GTF3C5: variants seen among roughly 807,000 people sequenced by gnomAD.
GTF3C5 encodes the protein general transcription factor 3C polypeptide 5.
GTF3C5 carries 47 observed loss-of-function variants against 61.0 expected under a neutral mutation model. The ratio of observed to expected loss-of-function variants is 0.77; its 90% CI spans 0.61 to 0.98. The LOEUF is 0.98. GTF3C5 is among the 50% of genes least tolerant of loss of function. The probability of loss-of-function intolerance (pLI) is 0.00; values close to 1 mark genes in which losing one functional copy is unlikely to be tolerated. For missense variants in GTF3C5, 659 were observed against 703.3 expected (o/e 0.94, Z 0.71); for synonymous variants, 295 against 275.4 (o/e 1.07, Z -0.71).
upstream of GTF3C5, chr9:133,030,732 G>T (rs536494166): frequency 7.2e-6 from 4 of 553,078 alleles, no homozygotes; most frequent in African/African-American, 5.7e-5. Context: ...CGGGTCCCTC[G>T]CTGGCTAGTA....
In GTF3C5 at chr9:133,035,936, G is replaced by A. The variant is rs144112193; in HGVS notation, c.153+4772G>A. On this transcript the variant is annotated intron_variant, in intron 1 of 10. Transcript: ENST00000372097. ...CAAAGGTATGAGCTAGCCCGAAGGCGTACTTGGAATCAGAATAAATAGTTC... is the reference window on the plus strand; with the variant it reads ...CAAAGGTATGAGCTAGCCCGAAGGCATACTTGGAATCAGAATAAATAGTTC... 2.8e-3 allele frequency among the ~76,000 whole-genome samples: 430 copies of A among 152,302 alleles called. 1 individual carries two copies. The highest frequency in any genetic ancestry group is 0.014 in the Middle Eastern group (4 of 294).
chr9:133,055,661 G>A (rs980083842), intron 8 of GTF3C5: 3 of 985,318 alleles, frequency 3.0e-6, no homozygotes, highest in Non-Finnish European at 3.6e-6. Flanking sequence ...TAGCAGCAGT[G>A]GGTGAGGGAT....
At chr9:133,041,312 C>T (rs912534850) in intron 1 of GTF3C5, among the ~76,000 whole-genome samples, 3 of 152,208 alleles carry the variant, frequency 2.0e-5, no homozygotes, top group Non-Finnish European at 4.4e-5. Flanking sequence ...GGACTGTCTC[C>T]CTGTGATGCT....
chr9:133,054,274 C>T (rs1026448846), intron 6 of GTF3C5, 134 bp from the exon 7 acceptor site: 17 of 699,654 alleles, frequency 2.4e-5, no homozygotes, highest in South Asian at 3.4e-5. Flanking sequence ...ACCGCAGTGG[C>T]GTGCTTGGCA....
At chr9:133,048,247 C>T (rs1347114083) in intron 3 of GTF3C5, among the ~76,000 whole-genome samples, 1 of 152,254 alleles carries the variant, frequency 6.6e-6, no homozygotes, top group Non-Finnish European at 1.5e-5. Flanking sequence ...CCTATAATCC[C>T]AGCACTTTGG....
intron 8 of GTF3C5, chr9:133,055,287 G>A: frequency 7.1e-7 from 1 of 1,416,406 alleles, no homozygotes; most frequent in Non-Finnish European, 9.3e-7. Context: ...GCTCCCGCAA[G>A]CCGCTCCACA....
At position 133,052,135 on chromosome 9, in the gene GTF3C5, G is replaced by A; in HGVS notation, c.844G>A (p.Val282Ile). The change falls in exon 5 of 11, where the codon GTC (valine) becomes ATC (isoleucine). Residue 282 changes from valine (V) to isoleucine (I), a missense_variant. By Grantham distance (29) the Val-to-Ile change is conservative. Coordinates refer to ENST00000372097, the MANE Select transcript of GTF3C5 (RefSeq NM_012087.4). ...NISVHPDKLK[V>I]LLPFIAYYMI... The stretch of plus-strand genomic sequence containing the variant: ...CAGCGTCCACCCAGACAAGCTCAAG[G>A]TCTTGCTTCCCTTCATAGCCTATTA... 1.2e-6 allele frequency: 2 copies of A among 1,605,136 alleles called. No individual in the cohort carries two copies. The highest frequency in any genetic ancestry group is 1.7e-5 in the Admixed American group (1 of 59,364).
At position 133,043,937 on chromosome 9, in the gene GTF3C5, C is replaced by G. The variant is rs775157297; in HGVS notation, c.572+11C>G. On this transcript the variant is annotated intron_variant, in intron 3 of 10. Transcript: ENST00000372097. ...AGAGACCCAGCACCGGTAAGGCCCC[C>G]CTCCATGCAGCCTCGGTTCTCTATC... is the stretch of plus-strand genomic sequence containing the variant. 1 of 1,602,152 alleles carries G rather than the reference C, an allele frequency of 6.2e-7. No individual in the cohort carries two copies. Among genetic ancestry groups the G allele is most frequent in the Non-Finnish European group, 8.5e-7 (1 of 1,169,648 alleles).
chr9:133,054,678 G>C, intron 7 of GTF3C5, 34 bp from the exon 8 acceptor site: 1 of 1,531,574 alleles, frequency 6.5e-7, no homozygotes. Flanking sequence ...TCCCCACCCT[G>C]CACATTCCAA....
chr9:133,042,669 C>G (rs974434646), intron 2 of GTF3C5, among the ~76,000 whole-genome samples: 2 of 152,218 alleles, frequency 1.3e-5, no homozygotes, highest in African/African-American at 2.4e-5. Context: ...TCTTGCCCTC[C>G]TAGCTCCCGA....
chr9:133,031,999 C>G (rs974816673), intron 1 of GTF3C5, among the ~76,000 whole-genome samples: 1 of 152,106 alleles, frequency 6.6e-6, no homozygotes, highest in Non-Finnish European at 1.5e-5. Flanking sequence ...GAACAAAGAA[C>G]AGGGAAGCTG....
Position 133,050,948 on chromosome 9 carries a change from G to A in GTF3C5, c.738G>A (p.Val246=), listed in dbSNP as rs1463362659. 2 of 1,611,662 alleles carry A rather than the reference G, an allele frequency of 1.2e-6. No individual in the cohort carries two copies. The highest frequency in any genetic ancestry group is 1.7e-6 in the Non-Finnish European group (2 of 1,178,974). Residue 246 remains valine, a synonymous_variant, in exon 4 of 11, where the codon GTG becomes GTA. Coordinates refer to ENST00000372097, the MANE Select transcript of GTF3C5 (RefSeq NM_012087.4). The part of the protein sequence containing the change: ...QTWRRVCTNP[V]DRKVEEELRK... ...GGAGGAGAGTCTGCACTAACCCCGT[G>A]GACCGGAAGGTGGAGGAGGAGCTGA...
At position 133,056,921 on chromosome 9, in the gene GTF3C5, T is replaced by G. The variant is rs1264617111; in HGVS notation, c.1393+13T>G. 1.9e-6 allele frequency: 3 copies of G among 1,586,172 alleles called. No homozygotes were observed. The African/African-American group carries it at 4.1e-5, about 21-fold the overall frequency. On this transcript the variant is annotated intron_variant, in intron 10 of 10. Transcript: ENST00000372097. The stretch of plus-strand genomic sequence containing the variant: ...TCCAAGAGGCCTGGTAAGAGCCGCT[T>G]GGGGTAAAGGGGGTCCAGGATGCCT...
At chr9:133,056,950 G>C (rs1385494308) in intron 10 of GTF3C5, 42 bp downstream of exon 10, 3 of 1,530,932 alleles carry the variant, frequency 2.0e-6, no homozygotes. Context: ...GATGCCTGGT[G>C]ATCTCCTTTG....
intron 1 of GTF3C5, among the ~76,000 whole-genome samples, chr9:133,037,031 T>G (rs1461233039): frequency 6.6e-6 from 1 of 152,058 alleles, no homozygotes; most frequent in Non-Finnish European, 1.5e-5. Context: ...GCATGTGTTT[T>G]GGGGTAGAAA....
At chr9:133,037,303 A>T (rs1849889865) in intron 1 of GTF3C5, among the ~76,000 whole-genome samples, 1 of 152,166 alleles carries the variant, frequency 6.6e-6, no homozygotes, top group Admixed American at 6.5e-5. Context: ...AGTAGTCTGG[A>T]ATATCTGGCT....
intron 3 of GTF3C5, among the ~76,000 whole-genome samples, chr9:133,048,778 C>T (rs1434338663): frequency 1.3e-5 from 2 of 152,364 alleles, no homozygotes; most frequent in East Asian, 3.9e-4. Flanking sequence ...GTTTCCAGCC[C>T]CTGGGGTAAA....
At chr9:133,052,187 C>T (rs759830643) in intron 5 of GTF3C5, 23 bp downstream of exon 5, 50 of 1,347,616 alleles carry the variant, frequency 3.7e-5, no homozygotes, top group Non-Finnish European at 4.9e-5. Context: ...TGCCCACCCA[C>T]CTGCCTTGGT....
At chr9:133,041,946 G>A in intron 1 of GTF3C5, 141 bp from the exon 2 acceptor site, 1 of 623,674 alleles carries the variant, frequency 1.6e-6, no homozygotes, top group East Asian at 2.8e-5. Context: ...TGGGCCTTTT[G>A]GGAATTAAGG....
Sources: gnomAD v4.1 joint callset for allele counts (sites outside exome capture counted in the v4.1 genomes callset) on GRCh38, gnomAD v4.1.1 for gene constraint, MANE v1.5 for transcripts, NCBI Gene and HGNC (gene_info 2026-07-23, HGNC 2026-07-21) for gene names.